The following ERC2 variants were observed in gnomAD, a reference collection of about 807,000 sequenced individuals.
The protein encoded by ERC2 is ELKS/RAB6-interacting/CAST family member 2.
A neutral mutation model predicts 114.8 loss-of-function variants in ERC2; 42 were observed. The ratio of observed to expected loss-of-function variants is 0.37; its 90% CI spans 0.29 to 0.47. The LOEUF (loss-of-function observed/expected upper bound fraction) is 0.47. Ranked by LOEUF, ERC2 falls within the 20% of genes least tolerant of loss-of-function variation. The pLI is 0.99. For missense variants in ERC2, 939 were observed against 1,150.7 expected (o/e 0.82, Z 2.66); for synonymous variants, 454 against 425.5 (o/e 1.07, Z -0.82).
chr3:55,736,161 C>T (rs1389946481), intron 14 of ERC2, among the ~76,000 whole-genome samples: 2 of 152,120 alleles, frequency 1.3e-5, no homozygotes, highest in Non-Finnish European at 2.9e-5. Flanking sequence ...CATTATAAGC[C>T]CAGATTCCAC....
rs557876128 is a variant in ERC2, at chr3:55,721,519, G to T, written c.2712+13252C>A. On this transcript the variant is annotated intron_variant, in intron 15 of 17. Coordinates refer to ENST00000288221, the MANE Select transcript of ERC2 (RefSeq NM_015576.3). ...CAATCAAAACTACAAGGGCTTAGAG[G>T]TCTGTTAGCTTCTCTCTTTTACTTT... 3.3e-4 allele frequency among the ~76,000 whole-genome samples: 51 copies of T among 152,344 alleles called. No homozygotes were observed. The South Asian group carries it at 0.01, about 30-fold the overall frequency.
chr3:56,218,897 C>T lies in ERC2; in HGVS notation c.1075-45377G>A, dbSNP rs945972251. On this transcript the variant is annotated intron_variant, in intron 3 of 17. Transcript: ENST00000288221. Reference sequence around the variant, plus strand: ...AGCAAACTATCGCAAGGACAAAAAACCAAACGCCGCGTGTTCTCACTCATA... The same window carrying T: ...AGCAAACTATCGCAAGGACAAAAAATCAAACGCCGCGTGTTCTCACTCATA... Among the ~76,000 whole-genome samples the T allele has an allele frequency of 5.9e-5, 9 of 152,028 alleles. No homozygotes were observed. The East Asian group carries it at 1.5e-3, about 26-fold the overall frequency.
chr3:55,884,380 CA>C (rs1401539579), intron 14 of ERC2, among the ~76,000 whole-genome samples: 1 of 152,088 alleles, frequency 6.6e-6, no homozygotes, highest in East Asian at 1.9e-4. Context: ...AGATATACAC[CA>C]AAATGCCATC....
intron 7 of ERC2, among the ~76,000 whole-genome samples, chr3:56,041,808 C>G (rs1192211379): frequency 6.6e-6 from 1 of 152,078 alleles, no homozygotes; most frequent in African/African-American, 2.4e-5. Context: ...CTGTCAAAGT[C>G]CTTTTATGAT....
intron 14 of ERC2, among the ~76,000 whole-genome samples, chr3:55,762,048 T>G (rs1289051751): frequency 6.6e-6 from 1 of 150,508 alleles, no homozygotes; most frequent in Non-Finnish European, 1.5e-5. Flanking sequence ...AATTTTAAGT[T>G]TCCTGAGGGC....
At chr3:56,009,484 G>A (rs1284042321) in intron 9 of ERC2, among the ~76,000 whole-genome samples, 1 of 152,054 alleles carries the variant, frequency 6.6e-6, no homozygotes, top group Non-Finnish European at 1.5e-5. Flanking sequence ...CAGGACTTTA[G>A]TTTGTGTGGA....
chr3:56,236,246 T>C (rs1025831380), intron 3 of ERC2, among the ~76,000 whole-genome samples: 1 of 151,948 alleles, frequency 6.6e-6, no homozygotes, highest in Non-Finnish European at 1.5e-5. Flanking sequence ...GGGCTGCATA[T>C]AGATTTGGAG....
At chr3:56,164,137 C>A (rs556586698) in intron 4 of ERC2, among the ~76,000 whole-genome samples, 12 of 151,976 alleles carry the variant, frequency 7.9e-5, no homozygotes, top group Non-Finnish European at 1.2e-4. Flanking sequence ...AATACACACA[C>A]CATAAAATTC....
chr3:56,443,021 T>C (rs928494849), intron 1 of ERC2, among the ~76,000 whole-genome samples: 2 of 152,176 alleles, frequency 1.3e-5, no homozygotes, highest in Admixed American at 6.5e-5. Context: ...CCAATCAGAA[T>C]TGACCTCTAA....
chr3:55,534,395 C>CAAA lies in ERC2; in HGVS notation c.*40-23122_*40-23120dup, dbSNP rs34419845. ...CCTGGATGACAGAGTGAGACCCTGTCAAAAAAAAAAAAAAAAGGCCAGGCT... is the reference window on the plus strand; with the variant it reads ...CCTGGATGACAGAGTGAGACCCTGTCAAAAAAAAAAAAAAAAAAAGGCCAGGCT... On this transcript the variant is annotated intron_variant, in intron 17 of 17. Coordinates refer to ENST00000288221, the MANE Select transcript of ERC2 (RefSeq NM_015576.3). 6.3e-3 allele frequency among the ~76,000 whole-genome samples: 671 copies of CAAA among 107,198 alleles called. 14 individuals are homozygous for CAAA. The highest frequency in any genetic ancestry group is 0.029 in the East Asian group (121 of 4,110). 70.3% of individuals were successfully genotyped at this position (107,198 alleles called of 152,430 possible). A position where few individuals can be genotyped will look rare whatever the true frequency, so the allele number is the denominator to read the frequency against.
intron 7 of ERC2, among the ~76,000 whole-genome samples, chr3:56,023,687 T>C (rs1431985936): frequency 6.6e-6 from 1 of 151,958 alleles, no homozygotes; most frequent in Non-Finnish European, 1.5e-5. Flanking sequence ...AAGAGCTCTG[T>C]TCTACTCACT....
chr3:55,821,381 T>G (rs1281403055), intron 14 of ERC2, among the ~76,000 whole-genome samples: 2 of 152,190 alleles, frequency 1.3e-5, no homozygotes, highest in African/African-American at 2.4e-5. Flanking sequence ...CACGTGGAAA[T>G]GAGCTTGATG....
intron 2 of ERC2, among the ~76,000 whole-genome samples, chr3:56,391,465 A>G (rs1310968905): frequency 2.0e-5 from 3 of 152,228 alleles, no homozygotes; most frequent in East Asian, 1.9e-4. Flanking sequence ...TTTCCATTTT[A>G]GGAATAAGAA....
At chr3:55,740,477 T>C (rs1205355190) in intron 14 of ERC2, among the ~76,000 whole-genome samples, 1 of 152,156 alleles carries the variant, frequency 6.6e-6, no homozygotes, top group African/African-American at 2.4e-5. Flanking sequence ...ATTTAAATAC[T>C]GGCCATAAAC....
intron 3 of ERC2, among the ~76,000 whole-genome samples, chr3:56,214,213 C>T (rs897805350): frequency 6.6e-5 from 10 of 152,138 alleles, no homozygotes; most frequent in Non-Finnish European, 1.0e-4. Flanking sequence ...GGAGGAAGTT[C>T]GAACCCATGG....
chr3:55,595,173 A>C (rs1311864273), intron 17 of ERC2, among the ~76,000 whole-genome samples: 1 of 152,244 alleles, frequency 6.6e-6, no homozygotes, highest in African/African-American at 2.4e-5. Flanking sequence ...CCAGCAGTTT[A>C]AAATGTGTTC....
chr3:56,250,484 C>T (rs2052068961), intron 3 of ERC2, among the ~76,000 whole-genome samples: 1 of 152,186 alleles, frequency 6.6e-6, no homozygotes, highest in African/African-American at 2.4e-5. Context: ...AAATATTTCA[C>T]CTTCAAAATG....
intron 3 of ERC2, among the ~76,000 whole-genome samples, chr3:56,228,718 G>C (rs2050410669): frequency 6.6e-6 from 1 of 151,970 alleles, no homozygotes; most frequent in African/African-American, 2.4e-5. Context: ...GTACCCAGAG[G>C]GTATAAAAAT....
intron 14 of ERC2, among the ~76,000 whole-genome samples, chr3:55,816,498 A>G (rs2059909278): frequency 6.6e-6 from 1 of 152,210 alleles, no homozygotes; most frequent in Admixed American, 6.5e-5. Flanking sequence ...AATGATGGTA[A>G]TAAATCCAAA....
Sources: gnomAD v4.1 joint callset for allele counts (sites outside exome capture counted in the v4.1 genomes callset) on GRCh38, gnomAD v4.1.1 for gene constraint, MANE v1.5 for transcripts, NCBI Gene and HGNC (gene_info 2026-07-23, HGNC 2026-07-21) for gene names.